The following FAM81A variants were observed in gnomAD, a reference collection of about 807,000 sequenced individuals.
FAM81A encodes the protein family with sequence similarity 81 member A, also known as protein FAM81A.
A neutral mutation model predicts 46.7 loss-of-function variants in FAM81A; 19 were observed. The observed-to-expected ratio is 0.41, with a 90% confidence interval of 0.28 to 0.60. The LOEUF (loss-of-function observed/expected upper bound fraction) is 0.60. FAM81A is among the 20% of genes least tolerant of loss of function. The probability of loss-of-function intolerance (pLI) is 0.34; values close to 1 mark genes in which losing one functional copy is unlikely to be tolerated. For synonymous variants in FAM81A, 183 were observed against 152.9 expected (o/e 1.20, Z -1.45); for missense variants, 377 against 453.5 (o/e 0.83, Z 1.53).
At chr15:59,477,609 T>C (rs2081789280) in intron 3 of FAM81A, among the ~76,000 whole-genome samples, 2 of 152,212 alleles carry the variant, frequency 1.3e-5, no homozygotes, top group South Asian at 4.1e-4. Context: ...TATGTGATCC[T>C]CAAGAGCTAG....
intron 3 of FAM81A, among the ~76,000 whole-genome samples, chr15:59,471,981 T>G (rs1035393768): frequency 6.6e-6 from 1 of 152,248 alleles, no homozygotes; most frequent in Admixed American, 6.5e-5. Flanking sequence ...GGGTCTGTGT[T>G]GCTTTGGTGC....
rs563686158 is a variant in FAM81A, at chr15:59,405,588, C to T, written c.-78+3230C>T. Reference sequence around the variant, plus strand: ...CCCTGGAGGCAGGGGCTGCAGTGAGCCGAGATCACGCCACTGCACACCAGC... The same window carrying T: ...CCCTGGAGGCAGGGGCTGCAGTGAGTCGAGATCACGCCACTGCACACCAGC... On this transcript the variant is annotated intron_variant, in intron 2 of 4. Coordinates refer to the FAM81A transcript ENST00000558348. Among the ~76,000 whole-genome samples the T allele has an allele frequency of 2.6e-5, 4 of 152,094 alleles. No individual in the cohort carries two copies. In the East Asian group the frequency reaches 7.7e-4, roughly 29 times the overall value.
At chr15:59,438,095 C>T (rs1263857731), upstream of FAM81A, 6 of 146,486 alleles carry the variant, frequency 4.1e-5, no homozygotes, top group Admixed American at 6.8e-5. Context: ...GCGGCTCGCG[C>T]CCCCCGGGAG....
chr15:59,465,802 C>T (rs1304679269), intron 3 of FAM81A, among the ~76,000 whole-genome samples: 2 of 152,160 alleles, frequency 1.3e-5, no homozygotes, highest in Non-Finnish European at 2.9e-5. Flanking sequence ...CCCATCAACT[C>T]ATCATTTACA....
chr15:59,486,727 C>A (rs77997455), intron 3 of FAM81A, among the ~76,000 whole-genome samples: 11,946 of 152,090 alleles, frequency 0.079, 546 homozygotes, highest in African/African-American at 0.12. Context: ...GGCATGACGT[C>A]TTTAAAGTGC....
At chr15:59,435,511 T>C (rs2081239364), upstream of FAM81A, among the ~76,000 whole-genome samples, 2 of 151,860 alleles carry the variant, frequency 1.3e-5, no homozygotes, top group Non-Finnish European at 2.9e-5. Context: ...TCCCAGCTAC[T>C]CGGGAAGCTG....
intron 2 of FAM81A, chr15:59,407,159 G>T: frequency 6.4e-6 from 1 of 157,196 alleles, no homozygotes; most frequent in South Asian, 1.7e-4. Context: ...TGGTGACAGT[G>T]GTGCAGGTGT....
chr15:59,506,512 C>T (rs1198441411), intron 4 of FAM81A, among the ~76,000 whole-genome samples: 4 of 152,190 alleles, frequency 2.6e-5, no homozygotes, highest in African/African-American at 9.7e-5. Context: ...CATTCTGTCT[C>T]TACTGAGCCC....
chr15:59,500,562 G>A (rs771159627), intron 4 of FAM81A, among the ~76,000 whole-genome samples: 5 of 151,628 alleles, frequency 3.3e-5, no homozygotes, highest in Non-Finnish European at 7.4e-5. Context: ...TCAGCCTCCC[G>A]AGTTGCTGGG....
intron 4 of FAM81A, among the ~76,000 whole-genome samples, chr15:59,506,058 A>G (rs1350351683): frequency 1.3e-5 from 2 of 152,176 alleles, no homozygotes; most frequent in African/African-American, 4.8e-5. Flanking sequence ...AGGTGTCAGC[A>G]TACTGGGTGT....
At chr15:59,491,230 G>A (rs990336154) in intron 3 of FAM81A, among the ~76,000 whole-genome samples, 1 of 152,192 alleles carries the variant, frequency 6.6e-6, no homozygotes, top group Admixed American at 6.5e-5. Context: ...GTATTCAGCC[G>A]TAAGAAAGAA....
chr15:59,403,962 C>T (rs1342011324), intron 2 of FAM81A, among the ~76,000 whole-genome samples: 3 of 150,864 alleles, frequency 2.0e-5, no homozygotes, highest in Non-Finnish European at 4.4e-5. Flanking sequence ...CGGCTCACTG[C>T]AACCTCTGCC....
At chr15:59,504,807 C>G (rs1261412857) in intron 4 of FAM81A, among the ~76,000 whole-genome samples, 2 of 152,148 alleles carry the variant, frequency 1.3e-5, no homozygotes, top group East Asian at 3.8e-4. Context: ...TCTCCTATAT[C>G]TATTGTGGGC....
intron 2 of FAM81A, among the ~76,000 whole-genome samples, chr15:59,403,371 G>C (rs1382727246): frequency 6.6e-6 from 1 of 152,138 alleles, no homozygotes; most frequent in South Asian, 2.1e-4. Context: ...AGAAGAGAGA[G>C]ACATCCGAGC....
intron 1 of FAM81A, among the ~76,000 whole-genome samples, chr15:59,452,756 T>C (rs2081434435): frequency 6.6e-6 from 1 of 152,166 alleles, no homozygotes; most frequent in Non-Finnish European, 1.5e-5. Flanking sequence ...CTATGAAGTA[T>C]TATTATATTA....
Position 59,492,346 on chromosome 15 carries a change from C to T in FAM81A, c.370C>T (p.Arg124Cys), listed in dbSNP as rs1241700811. Residue 124 changes from arginine to cysteine, a missense_variant, in exon 4 of 9, where the codon CGC becomes TGC. Coordinates refer to ENST00000288228, the MANE Select transcript of FAM81A (RefSeq NM_152450.3). The part of the protein sequence containing the change: ...TNSALKTLEM[R>C]QLSGLGDLRG... Reference sequence around the variant, plus strand: ...TTCTGCCTTAAAGACCCTGGAGATGCGCCAGCTCTCCGGTTTGGGAGATCT... The same window carrying T: ...TTCTGCCTTAAAGACCCTGGAGATGTGCCAGCTCTCCGGTTTGGGAGATCT... 1.7e-5 allele frequency: 27 copies of T among 1,613,638 alleles called. No individual in the cohort carries two copies. Among genetic ancestry groups the T allele is most frequent in the Non-Finnish European group, 2.1e-5 (25 of 1,179,816 alleles).
intron 2 of FAM81A, among the ~76,000 whole-genome samples, chr15:59,417,313 C>A (rs533183689): frequency 6.6e-6 from 1 of 152,062 alleles, no homozygotes; most frequent in East Asian, 1.9e-4. Flanking sequence ...ATATTTACTT[C>A]GTTTTCTTAA....
intron 2 of FAM81A, among the ~76,000 whole-genome samples, chr15:59,419,747 G>A (rs754692125): frequency 5.9e-5 from 9 of 152,028 alleles, no homozygotes; most frequent in African/African-American, 2.2e-4. Context: ...GCTGGCGGAC[G>A]CCTGTAATCT....
At chr15:59,459,828 G>C in intron 2 of FAM81A, 105 bp from the exon 3 acceptor site, 1 of 1,412,616 alleles carries the variant, frequency 7.1e-7, no homozygotes, top group Non-Finnish European at 9.3e-7. Flanking sequence ...TATTTAGCTT[G>C]TAGTTATAGA....
Sources: gnomAD v4.1 joint callset for allele counts (sites outside exome capture counted in the v4.1 genomes callset) on GRCh38, gnomAD v4.1.1 for gene constraint, MANE v1.5 for transcripts, NCBI Gene and HGNC (gene_info 2026-07-23, HGNC 2026-07-21) for gene names.